FOXO4: variants seen among roughly 807,000 people sequenced by gnomAD.
The protein encoded by FOXO4 is forkhead box protein O4.
Under a neutral mutation model 20.8 loss-of-function variants are expected in FOXO4, and 3 were observed. The ratio of observed to expected loss-of-function variants is 0.14; its 90% CI spans 0.07 to 0.37. The LOEUF (loss-of-function observed/expected upper bound fraction) is 0.37. Among genes scored for constraint, FOXO4 ranks in the 10% least tolerant of loss-of-function variants. FOXO4 has a pLI of 1.00. For missense variants in FOXO4, 309 were observed against 431.9 expected, an observed-to-expected ratio of 0.72 and a Z score of 2.52; for synonymous variants, 158 against 180.0, an observed-to-expected ratio of 0.88 and a Z score of 0.98.
At chrX:71,098,200 A>C (rs1023770291) in intron 1 of FOXO4, among the ~76,000 whole-genome samples, 1 of 112,423 alleles carries the variant, frequency 8.9e-6, no homozygotes, top group Non-Finnish European at 1.9e-5. Flanking sequence ...TAGAGTTTAC[A>C]AAGTAGTTTT....
rs1338912882 is a variant in FOXO4, at chrX:71,096,360, G to GGGAC, written c.-168_-165dup. 21 of 466,175 alleles carry GGGAC rather than the reference G, an allele frequency of 4.5e-5. No individual in the cohort carries two copies. Among genetic ancestry groups the GGGAC allele is most frequent in the South Asian group, 3.6e-4 (11 of 30,934 alleles). The allele number at this position is 466,175 out of a possible 1,213,427, so 38.4% of individuals were successfully genotyped here. A position where few individuals can be genotyped will look rare whatever the true frequency, so the allele number is the denominator to read the frequency against. On this transcript the variant is annotated 5_prime_UTR_variant, in exon 1 of 3. Transcript: ENST00000374259. ...GAAGGGGATCGGAGAACTGTGTGAA[G>GGGAC]GGACAGCTTAGGGACTAGCGTCCTG... is the stretch of plus-strand genomic sequence containing the variant.
At position 71,101,466 on chromosome X, in the gene FOXO4, C is replaced by T. The variant is rs1261981630; in HGVS notation, c.1236C>T (p.Val412=). 3 of 1,211,480 alleles carry T rather than the reference C, an allele frequency of 2.5e-6. No individual in the cohort carries two copies. The highest frequency in any genetic ancestry group is 2.2e-5 in the Admixed American group (1 of 46,009). ...LPSSSKLATG[V]GLCPKPLEAP... ...CCTCCAGTAAGCTGGCCACGGGCGT[C>T]GGCCTGTGTCCCAAGCCCCTAGAGG... The change falls in exon 2 of 3, where the codon GTC becomes GTT. Residue 412 remains valine (V), a synonymous_variant. Coordinates refer to ENST00000374259, the MANE Select transcript of FOXO4 (RefSeq NM_005938.4).
intron 1 of FOXO4, among the ~76,000 whole-genome samples, chrX:71,100,111 C>T (rs956346267): frequency 8.9e-6 from 1 of 111,871 alleles, no homozygotes; most frequent in Non-Finnish European, 1.9e-5. Flanking sequence ...TCTTTCCCAC[C>T]TGAACCTAGT....
At position 71,098,149 on chromosome X, in the gene FOXO4, G is replaced by A. The variant is rs764290162; in HGVS notation, c.453+1168G>A. Among the ~76,000 whole-genome samples, 12 of 111,463 alleles carry A rather than the reference G, an allele frequency of 1.1e-4. No homozygotes were observed. The South Asian group carries it at 4.5e-3, about 42-fold the overall frequency. On this transcript the variant is annotated intron_variant, in intron 1 of 2. Transcript: ENST00000374259. The stretch of plus-strand genomic sequence containing the variant: ...TAACAAGTTGTTAGTTATATTGTGG[G>A]AGTATAGTCCGTCCTTATAATCTAC...
At chrX:71,097,013 ACCATCTACCCCCTGGACCCCCTAG>A (rs1569478698) in intron 1 of FOXO4, 32 bp downstream of exon 1, 1 of 1,133,322 alleles carries the variant, frequency 8.8e-7, no homozygotes, top group East Asian at 3.1e-5. Flanking sequence ...TCTTCCCAAC[ACCATCTACCCCCTGGACCCCCTAG>A]CCTCCCTTAC....
chrX:71,096,508 C>T lies in FOXO4; in HGVS notation c.-21C>T, dbSNP rs866034359. ...TGGCAGGCTTCACTGAACGCTGAGCCGGGGAGGTCCAACTCCACGTATGGA... is the reference window on the plus strand; with the variant it reads ...TGGCAGGCTTCACTGAACGCTGAGCTGGGGAGGTCCAACTCCACGTATGGA... On this transcript the variant is annotated 5_prime_UTR_variant, in exon 1 of 3. Transcript: ENST00000374259. 1 of 1,180,370 alleles carries T rather than the reference C, an allele frequency of 8.5e-7. No individual in the cohort carries two copies. Among genetic ancestry groups the T allele is most frequent in the Non-Finnish European group, 1.1e-6 (1 of 874,750 alleles).
chrX:71,099,659 A>G (rs748085702), intron 1 of FOXO4, among the ~76,000 whole-genome samples: 19 of 111,936 alleles, frequency 1.7e-4, no homozygotes, highest in Admixed American at 2.8e-4. Flanking sequence ...TAAAAATACT[A>G]TACTAGAAAT....
rs2092229220 is a variant in FOXO4 at position 71,100,852 on chromosome X, C to T, written c.622C>T (p.Arg208Cys). Residue 208 changes from arginine to cysteine, a missense_variant, in exon 2 of 3, where the codon CGC (arginine) becomes TGC (cysteine). Arg to Cys is a radical substitution (Grantham distance 180). Coordinates refer to ENST00000374259, the MANE Select transcript of FOXO4 (RefSeq NM_005938.4). Reference sequence around the variant, plus strand: ...TAGCAGCAGCAAGCTGCTCCGGGGCCGCAGTAAAGCCCCCAAGAAGAAACC... The same window carrying T: ...TAGCAGCAGCAAGCTGCTCCGGGGCTGCAGTAAAGCCCCCAAGAAGAAACC... Reference protein sequence around the residue: ...MDSSSKLLRGRSKAPKKKPSV... With the variant: ...MDSSSKLLRGCSKAPKKKPSV... 6.6e-6 allele frequency: 8 copies of T among 1,209,099 alleles called. No homozygotes were observed. The highest frequency in any genetic ancestry group is 3.5e-5 in the African/African-American group (2 of 57,208).
chrX:71,099,413 G>A (rs753534144), intron 1 of FOXO4: 10 of 111,540 alleles, frequency 9.0e-5, no homozygotes, highest in Non-Finnish European at 1.9e-4. Flanking sequence ...GCCTCAAGGG[G>A]AGCCTCACCA....
Position 71,102,207 on chromosome X carries a change from G to A in FOXO4, c.*123G>A, listed in dbSNP as rs1251063206. 3 of 662,932 alleles carry A rather than the reference G, an allele frequency of 4.5e-6. No individual in the cohort carries two copies. The highest frequency in any genetic ancestry group is 7.1e-6 in the Non-Finnish European group (3 of 420,028). The allele number at this position is 662,932 out of a possible 1,213,427, so 54.6% of individuals were successfully genotyped here. A position where few individuals can be genotyped will look rare whatever the true frequency, so the allele number is the denominator to read the frequency against. On this transcript the variant is annotated 3_prime_UTR_variant, in exon 3 of 3. Transcript: ENST00000374259. ...TGCTTTAGAGCTAGGGTGGGGTCTG[G>A]TCACACACAGGTGTTGAAGAAATTA...
Position 71,101,760 on chromosome X carries a change from C to T in FOXO4, c.1510+20C>T, listed in dbSNP as rs1602283832. ...AGCCAGGTACAGTACCCCCTAATCACCACAGCACCTCATAGCCTATTACCA... is the reference window on the plus strand; with the variant it reads ...AGCCAGGTACAGTACCCCCTAATCATCACAGCACCTCATAGCCTATTACCA... On this transcript the variant is annotated intron_variant, in intron 2 of 2. Coordinates refer to ENST00000374259, the MANE Select transcript of FOXO4 (RefSeq NM_005938.4). 1.7e-5 allele frequency: 19 copies of T among 1,135,588 alleles called. No homozygotes were observed. In the East Asian group the frequency reaches 5.4e-4, roughly 32 times the overall value. The allele number at this position is 1,135,588 out of a possible 1,213,427, so 93.6% of individuals were successfully genotyped here. A position where few individuals can be genotyped will look rare whatever the true frequency, so the allele number is the denominator to read the frequency against.
In FOXO4 at chrX:71,101,412, G is replaced by A. The variant is rs745413708; in HGVS notation, c.1182G>A (p.Pro394=). Residue 394 remains proline, a synonymous_variant, in exon 2 of 3, where the codon CCG becomes CCA. Transcript: ENST00000374259. ...TAGATCCCATTCTGTCCCAGGCTCC[G>A]ACTCTTCTGTTGCTGGGGGGGCTTC... ...TQVDPILSQA[P]TLLLLGGLPS... The A allele has an allele frequency of 1.7e-5, 20 of 1,209,587 alleles. No homozygotes were observed. The highest frequency in any genetic ancestry group is 8.9e-5 in the East Asian group (3 of 33,747).
chrX:71,100,777 G>A lies in FOXO4; in HGVS notation c.547G>A (p.Glu183Lys). 1 of 1,211,424 alleles carries A rather than the reference G, an allele frequency of 8.3e-7. No homozygotes were observed. Among genetic ancestry groups the A allele is most frequent in the Non-Finnish European group, 1.1e-6 (1 of 895,245 alleles). ...AAGCTCTTGGTGGATGCTGAACCCT[G>A]AGGGAGGCAAGAGCGGCAAAGCCCC... ...GKSSWWMLNPEGGKSGKAPRR... is the reference protein window; with the variant it reads ...GKSSWWMLNPKGGKSGKAPRR... The change falls in exon 2 of 3, where the codon GAG becomes AAG. Residue 183 changes from glutamate (E) to lysine (K), a missense_variant. Physicochemically the swap from Glu to Lys is moderately conservative, Grantham distance 56 (BLOSUM62 1). Coordinates refer to ENST00000374259, the MANE Select transcript of FOXO4 (RefSeq NM_005938.4).
chrX:71,096,456 C>G lies in FOXO4; in HGVS notation c.-73C>G, dbSNP rs1025642667. 4.1e-6 allele frequency: 4 copies of G among 979,415 alleles called. No individual in the cohort carries two copies. Among genetic ancestry groups the G allele is most frequent in the South Asian group, 2.1e-5 (1 of 46,636 alleles). The allele number at this position is 979,415 out of a possible 1,213,427, so 80.7% of individuals were successfully genotyped here. On this transcript the variant is annotated 5_prime_UTR_variant, in exon 1 of 3. Coordinates refer to ENST00000374259, the MANE Select transcript of FOXO4 (RefSeq NM_005938.4). ...GCCTCCTGGCCCTCGATGCTTCCCCCCTGAGGGGAGGCATCGTGAGGGACT... is the reference window on the plus strand; with the variant it reads ...GCCTCCTGGCCCTCGATGCTTCCCCGCTGAGGGGAGGCATCGTGAGGGACT...
rs190624190 is a variant in FOXO4 at position 71,097,310 on chromosome X, C to T, written c.453+329C>T. Among the ~76,000 whole-genome samples the T allele has an allele frequency of 4.1e-3, 454 of 110,903 alleles. 4 individuals carry two copies. The highest frequency in any genetic ancestry group is 0.014 in the African/African-American group (429 of 30,494). ...TTATTCCCACAGAGAAGTCTTTATC[C>T]TATGTACAGCAGGAACTGTGTGGAT... On this transcript the variant is annotated intron_variant, in intron 1 of 2. Transcript: ENST00000374259.
rs2092218340 is a variant in FOXO4, at chrX:71,096,506, G to A, written c.-23G>A. 1 of 1,183,290 alleles carries A rather than the reference G, an allele frequency of 8.5e-7. No homozygotes were observed. Among genetic ancestry groups the A allele is most frequent in the Admixed American group, 2.3e-5 (1 of 43,368 alleles). On this transcript the variant is annotated 5_prime_UTR_variant, in exon 1 of 3. Transcript: ENST00000374259. ...TGTGGCAGGCTTCACTGAACGCTGA[G>A]CCGGGGAGGTCCAACTCCACGTATG...
In FOXO4 at chrX:71,096,073, G is replaced by A. The variant is rs1242170275; in HGVS notation, c.-456G>A. The stretch of plus-strand genomic sequence containing the variant: ...GAGTCAGGGGAGGGGCAAGTGACGC[G>A]GGGGAGCGGGGCGTGGGGGAGGGCA... On this transcript the variant is annotated 5_prime_UTR_variant, in exon 1 of 3. Transcript: ENST00000374259. 7.1e-6 allele frequency: 1 copy of A among 140,259 alleles called. No homozygotes were observed. The highest frequency in any genetic ancestry group is 8.7e-5 in the Admixed American group (1 of 11,483). 11.6% of individuals were successfully genotyped at this position (140,259 alleles called of 1,213,427 possible).
chrX:71,100,630 C>A, intron 1 of FOXO4, 54 bp from the exon 2 acceptor site: 1 of 996,095 alleles, frequency 1.0e-6, no homozygotes, highest in Non-Finnish European at 1.4e-6. Flanking sequence ...CCGCTGGCCA[C>A]TGACCTCCCC....
rs374704207 is a variant in FOXO4, at chrX:71,101,080, G to A, written c.850G>A (p.Glu284Lys). ...LRPESEVLAE[E>K]IPASVSSYAG... is the part of the protein sequence containing the mutation. ...GCCAGAGTCTGAGGTGCTGGCGGAG[G>A]AAATACCAGCTTCAGTCAGCAGTTA... is the stretch of plus-strand genomic sequence containing the variant. The change falls in exon 2 of 3, where the codon GAA (glutamate) becomes AAA (lysine). Residue 284 changes from glutamate to lysine, a missense_variant. Around this residue, in one of 3 missense-constraint regions of FOXO4, gnomAD observed 223 missense variants for 302.7 expected, o/e 0.74. Transcript: ENST00000374259. 3 of 1,210,018 alleles carry A rather than the reference G, an allele frequency of 2.5e-6. No individual in the cohort carries two copies. The highest frequency in any genetic ancestry group is 1.8e-5 in the African/African-American group (1 of 57,128).
Sources: gnomAD v4.1 joint callset for allele counts (sites outside exome capture counted in the v4.1 genomes callset) on GRCh38, gnomAD v4.1.1 for gene constraint, gnomAD v4.1.1 regional missense constraint, MANE v1.5 for transcripts, NCBI Gene and HGNC (gene_info 2026-07-23, HGNC 2026-07-21) for gene names.